Variants in TBC1D22A observed in about 807,000 individuals in gnomAD.
TBC1D22A encodes the protein putative GTPase activator.
Under a neutral mutation model 60.2 loss-of-function variants are expected in TBC1D22A, and 38 were observed. The ratio of observed to expected loss-of-function variants is 0.63; its 90% CI spans 0.49 to 0.83. TBC1D22A has a LOEUF of 0.83. TBC1D22A is among the 40% of genes least tolerant of loss of function. The pLI, the probability that TBC1D22A is intolerant of heterozygous loss-of-function variation, is 0.00. For missense variants in TBC1D22A, 628 were observed against 701.0 expected, an observed-to-expected ratio of 0.90 and a Z score of 1.18; for synonymous variants, 302 against 281.7, an observed-to-expected ratio of 1.07 and a Z score of -0.72.
intron 7 of TBC1D22A, among the ~76,000 whole-genome samples, chr22:46,908,286 T>C (rs1024784129): frequency 2.0e-5 from 3 of 152,006 alleles, no homozygotes; most frequent in South Asian, 2.1e-4. Flanking sequence ...TGTGCTATAG[T>C]GGTGATGGCG....
At chr22:46,851,921 G>C (rs1415204447) in intron 4 of TBC1D22A, among the ~76,000 whole-genome samples, 3 of 152,208 alleles carry the variant, frequency 2.0e-5, no homozygotes, top group Non-Finnish European at 4.4e-5. Flanking sequence ...GGGGTCATGA[G>C]CTGGTGGCAG....
At chr22:47,099,160 C>T (rs754816925) in intron 11 of TBC1D22A, among the ~76,000 whole-genome samples, 1 of 152,178 alleles carries the variant, frequency 6.6e-6, no homozygotes, top group Non-Finnish European at 1.5e-5. Context: ...TGGGTGTCAC[C>T]GTGTGGAAGT....
chr22:46,994,095 G>C (rs142843912), intron 9 of TBC1D22A, among the ~76,000 whole-genome samples: 1 of 152,326 alleles, frequency 6.6e-6, no homozygotes, highest in East Asian at 1.9e-4. Context: ...AGACCTTTTC[G>C]TTATTGGCTC....
At chr22:46,942,521 T>C (rs961616353) in intron 8 of TBC1D22A, among the ~76,000 whole-genome samples, 1 of 152,160 alleles carries the variant, frequency 6.6e-6, no homozygotes, top group African/African-American at 2.4e-5. Flanking sequence ...TTGTATAGTA[T>C]TCAAGAAGGA....
intron 12 of TBC1D22A, among the ~76,000 whole-genome samples, chr22:47,134,656 C>T (rs1379148546): frequency 3.9e-5 from 6 of 152,208 alleles, no homozygotes; most frequent in Admixed American, 3.9e-4. Context: ...CCTGCCCCAC[C>T]CACCCACGAG....
At chr22:46,891,193 A>G (rs2068386008) in intron 5 of TBC1D22A, 73 bp from the exon 6 acceptor site, 1 of 1,462,978 alleles carries the variant, frequency 6.8e-7, no homozygotes, top group African/African-American at 1.5e-5. Context: ...AAGTCTTTTT[A>G]TTTCACGCTT....
intron 7 of TBC1D22A, among the ~76,000 whole-genome samples, chr22:46,904,474 AT>A (rs34401577): frequency 1.3e-4 from 19 of 146,888 alleles, no homozygotes; most frequent in Non-Finnish European, 1.3e-4. Context: ...TGAAAAACGA[AT>A]TTTTTTTTTT....
chr22:47,079,744 C>T (rs2064382658), intron 11 of TBC1D22A, among the ~76,000 whole-genome samples: 1 of 152,106 alleles, frequency 6.6e-6, no homozygotes, highest in Non-Finnish European at 1.5e-5. Flanking sequence ...AAGAGAACAT[C>T]AAAAGCAACA....
chr22:47,110,290 G>A (rs1470548795), intron 11 of TBC1D22A, among the ~76,000 whole-genome samples: 2 of 152,052 alleles, frequency 1.3e-5, no homozygotes, highest in East Asian at 3.9e-4. Flanking sequence ...GACCAGCCTG[G>A]CCAACATGGT....
chr22:47,158,654 C>G (rs1372374995), intron 12 of TBC1D22A, among the ~76,000 whole-genome samples: 1 of 152,126 alleles, frequency 6.6e-6, no homozygotes, highest in Non-Finnish European at 1.5e-5. Context: ...GCGTCCTGCT[C>G]AGGACCCCCT....
chr22:46,941,956 C>T lies in TBC1D22A; in HGVS notation c.1015+29768C>T, dbSNP rs960979166. Among the ~76,000 whole-genome samples, 228 of 144,428 alleles carry T rather than the reference C, an allele frequency of 1.6e-3. 2 individuals are homozygous for T. Among genetic ancestry groups the T allele is most frequent in the Admixed American group, 5.3e-3 (76 of 14,276 alleles). 94.8% of individuals were successfully genotyped at this position (144,428 alleles called of 152,430 possible). A position where few individuals can be genotyped will look rare whatever the true frequency, so the allele number is the denominator to read the frequency against. On this transcript the variant is annotated intron_variant, in intron 8 of 12. Transcript: ENST00000337137. ...GTATACACACACACACACACACACA[C>T]ACACACACACAGTCCACCCTTGAAC...
chr22:46,769,752 G>A (rs1336788938), intron 1 of TBC1D22A, among the ~76,000 whole-genome samples: 1 of 152,134 alleles, frequency 6.6e-6, no homozygotes, highest in African/African-American at 2.4e-5. Flanking sequence ...AAACAGGGAG[G>A]GGTGTGATAC....
intron 11 of TBC1D22A, among the ~76,000 whole-genome samples, chr22:47,079,838 G>A (rs1351055599): frequency 6.6e-6 from 1 of 152,200 alleles, no homozygotes; most frequent in African/African-American, 2.4e-5. Flanking sequence ...AAGATAGATT[G>A]TAAGAGTGAA....
At chr22:47,158,848 G>A (rs2067826525) in intron 12 of TBC1D22A, among the ~76,000 whole-genome samples, 1 of 152,084 alleles carries the variant, frequency 6.6e-6, no homozygotes, top group Non-Finnish European at 1.5e-5. Context: ...CGTCCAGAAA[G>A]GAGGCAAGGC....
intron 8 of TBC1D22A, among the ~76,000 whole-genome samples, chr22:46,919,168 C>T (rs2070581974): frequency 1.3e-5 from 2 of 152,222 alleles, no homozygotes; most frequent in Non-Finnish European, 2.9e-5. Context: ...TCCCTTTTCT[C>T]TTGTCCACTA....
intron 8 of TBC1D22A, among the ~76,000 whole-genome samples, chr22:46,919,607 C>T (rs1040110911): frequency 4.6e-5 from 7 of 152,214 alleles, no homozygotes; most frequent in South Asian, 4.2e-4. Flanking sequence ...GAGGACCTGC[C>T]GGACTGCTTT....
intron 7 of TBC1D22A, among the ~76,000 whole-genome samples, chr22:46,900,762 C>T (rs1169334748): frequency 2.0e-5 from 3 of 152,148 alleles, no homozygotes; most frequent in Non-Finnish European, 4.4e-5. Flanking sequence ...CCCGTATGGC[C>T]GTACCACAGT....
chr22:46,852,989 A>G (rs2087365189), intron 4 of TBC1D22A, among the ~76,000 whole-genome samples: 2 of 152,138 alleles, frequency 1.3e-5, no homozygotes, highest in African/African-American at 4.8e-5. Flanking sequence ...TTGCCTGCAC[A>G]CTGTGACCTC....
chr22:47,076,327 ATG>A lies in TBC1D22A; in HGVS notation c.1330-35167_1330-35166del, dbSNP rs199960303. ...TTGGGACTGATGTATATATATGTAT[ATG>A]TGTGTGTGTGTGTATATATATATAT... On this transcript the variant is annotated intron_variant, in intron 11 of 12. Transcript: ENST00000337137. 2.2e-3 allele frequency among the ~76,000 whole-genome samples: 318 copies of A among 142,496 alleles called. 2 individuals carry two copies. The highest frequency in any genetic ancestry group is 7.6e-3 in the African/African-American group (296 of 39,006). The allele number at this position is 142,496 out of a possible 152,430, so 93.5% of individuals were successfully genotyped here. A position where few individuals can be genotyped will look rare whatever the true frequency, so the allele number is the denominator to read the frequency against.
Sources: gnomAD v4.1 joint callset for allele counts (sites outside exome capture counted in the v4.1 genomes callset) on GRCh38, gnomAD v4.1.1 for gene constraint, MANE v1.5 for transcripts, NCBI Gene and HGNC (gene_info 2026-07-23, HGNC 2026-07-21) for gene names.